The following CNTN4 variants were observed in gnomAD, a reference collection of about 807,000 sequenced individuals.
The protein encoded by CNTN4 is contactin 4, also known as contactin-4.
CNTN4 carries 77 observed loss-of-function variants against 122.5 expected under a neutral mutation model. The observed-to-expected ratio is 0.63, with a 90% CI of 0.52 to 0.76. CNTN4 has a LOEUF of 0.76. Ranked by LOEUF, CNTN4 falls within the 30% of genes least tolerant of loss-of-function variation. The pLI, the probability that CNTN4 is intolerant of heterozygous loss-of-function variation, is 0.00. For missense variants in CNTN4, 1,256 were observed against 1,259.1 expected, an observed-to-expected ratio of 1.00 and a Z score of 0.04; for synonymous variants, 512 against 447.0, an observed-to-expected ratio of 1.15 and a Z score of -1.83.
chr3:2,778,765 A>C (rs868306501), intron 6 of CNTN4, among the ~76,000 whole-genome samples: 2 of 152,204 alleles, frequency 1.3e-5, no homozygotes, highest in Non-Finnish European at 2.9e-5. Flanking sequence ...AACAACACAC[A>C]TAATAATAGC....
intron 2 of CNTN4, among the ~76,000 whole-genome samples, chr3:2,274,126 T>C (rs1575232711): frequency 6.6e-6 from 1 of 152,106 alleles, no homozygotes; most frequent in East Asian, 1.9e-4. Flanking sequence ...CTCACGCTTG[T>C]AATCCCAGCA....
intron 4 of CNTN4, among the ~76,000 whole-genome samples, chr3:2,699,360 G>A (rs115827516): frequency 0.016 from 2,382 of 152,198 alleles, 26 homozygotes; most frequent in Middle Eastern, 0.027. Context: ...TGAATGTTGC[G>A]CTAGATTGTC....
At chr3:2,212,572 C>T (rs2038670252) in intron 2 of CNTN4, among the ~76,000 whole-genome samples, 1 of 152,160 alleles carries the variant, frequency 6.6e-6, no homozygotes, top group South Asian at 2.1e-4. Context: ...AGGAAACCAA[C>T]CCCATGATGC....
rs149872229 is a variant in CNTN4, at chr3:3,051,817, T to C, written c.2812-1990T>C. ...AGGAATTTTATGAATTTCACTTGTGTCTGGTTTTGTCTTGAGACACAAGAG... is the reference window on the plus strand; with the variant it reads ...AGGAATTTTATGAATTTCACTTGTGCCTGGTTTTGTCTTGAGACACAAGAG... On this transcript the variant is annotated intron_variant, in intron 23 of 24. Coordinates refer to ENST00000418658, the MANE Select transcript of CNTN4 (RefSeq NM_175607.3). Among the ~76,000 whole-genome samples the C allele has an allele frequency of 2.2e-3, 332 of 152,348 alleles. 2 individuals carry two copies. The highest frequency in any genetic ancestry group is 7.7e-3 in the African/African-American group (319 of 41,580).
rs543231834 is a variant in CNTN4, at chr3:2,839,952, A to G, written c.454+20371A>G. Among the ~76,000 whole-genome samples the G allele has an allele frequency of 7.0e-4, 107 of 152,278 alleles. 2 individuals are homozygous for G. Among genetic ancestry groups the G allele is most frequent in the African/African-American group, 2.4e-3 (98 of 41,554 alleles). On this transcript the variant is annotated intron_variant, in intron 7 of 24. Coordinates refer to ENST00000418658, the MANE Select transcript of CNTN4 (RefSeq NM_175607.3). Reference sequence around the variant, plus strand: ...GTGTTATTTCAAGAGCAAAGAAGTTAAACTTGTGTAGCTAAGTGTAGAGTC... The same window carrying G: ...GTGTTATTTCAAGAGCAAAGAAGTTGAACTTGTGTAGCTAAGTGTAGAGTC...
chr3:2,509,351 G>A (rs985335776), intron 3 of CNTN4, among the ~76,000 whole-genome samples: 3 of 152,068 alleles, frequency 2.0e-5, no homozygotes, highest in Admixed American at 6.5e-5. Flanking sequence ...TATGCCAAAT[G>A]TAATAATATC....
rs1559415630 is a variant in CNTN4, at chr3:2,287,685, GA to G, written c.-144-51491del. Reference sequence around the variant, plus strand: ...AGAAGAAGAAGAAGAAGAAGAAGAAGAAGAAGAGGAAGAAGAAGAAGAAGAG... The same window carrying G: ...AGAAGAAGAAGAAGAAGAAGAAGAAGAGAAGAGGAAGAAGAAGAAGAAGAG... On this transcript the variant is annotated intron_variant, in intron 2 of 24. Coordinates refer to ENST00000418658, the MANE Select transcript of CNTN4 (RefSeq NM_175607.3). 7.9e-4 allele frequency among the ~76,000 whole-genome samples: 71 copies of G among 90,086 alleles called. 1 individual carries two copies. The highest frequency in any genetic ancestry group is 1.3e-3 in the South Asian group (3 of 2,278). 59.1% of individuals were successfully genotyped at this position (90,086 alleles called of 152,430 possible).
intron 14 of CNTN4, among the ~76,000 whole-genome samples, chr3:2,997,481 C>T (rs756136052): frequency 5.3e-5 from 8 of 152,176 alleles, no homozygotes; most frequent in Non-Finnish European, 1.2e-4. Flanking sequence ...CTCTCCCCTT[C>T]CTGTTTTGGC....
chr3:2,781,748 G>A (rs1390103091), intron 6 of CNTN4, among the ~76,000 whole-genome samples: 6 of 129,822 alleles, frequency 4.6e-5, no homozygotes, highest in African/African-American at 2.0e-4. Flanking sequence ...TTTTTGAGAC[G>A]GAGTGTCGCT....
At chr3:2,360,462 C>G (rs1444181778) in intron 3 of CNTN4, among the ~76,000 whole-genome samples, 3 of 151,966 alleles carry the variant, frequency 2.0e-5, no homozygotes, top group Non-Finnish European at 1.5e-5. Flanking sequence ...ATATGTTTGC[C>G]CAATGAAATA....
intron 4 of CNTN4, among the ~76,000 whole-genome samples, chr3:2,700,827 G>A (rs148654076): frequency 3.3e-5 from 5 of 152,114 alleles, no homozygotes; most frequent in African/African-American, 1.2e-4. Context: ...TTTCTATCAG[G>A]GACTATAATA....
intron 4 of CNTN4, among the ~76,000 whole-genome samples, chr3:2,716,195 A>G (rs576692466): frequency 3.9e-4 from 60 of 152,248 alleles, no homozygotes; most frequent in African/African-American, 1.3e-3. Flanking sequence ...TTTTTAATAT[A>G]CCAATTAAAT....
At chr3:2,969,085 T>C (rs1692618101) in intron 13 of CNTN4, among the ~76,000 whole-genome samples, 1 of 152,232 alleles carries the variant, frequency 6.6e-6, no homozygotes, top group African/African-American at 2.4e-5. Flanking sequence ...TTCTACATTA[T>C]TTTCATAATA....
At chr3:2,877,908 A>T (rs1028383423) in intron 8 of CNTN4, among the ~76,000 whole-genome samples, 1 of 152,240 alleles carries the variant, frequency 6.6e-6, no homozygotes, top group African/African-American at 2.4e-5. Context: ...TAAAATAAAA[A>T]AATTAGTCAA....
intron 6 of CNTN4, among the ~76,000 whole-genome samples, chr3:2,762,870 G>C (rs1431691428): frequency 1.3e-5 from 2 of 149,970 alleles, no homozygotes; most frequent in Non-Finnish European, 3.0e-5. Context: ...TGGCCATTCT[G>C]ACTGGTGTGA....
chr3:2,395,834 T>C (rs986988470), intron 3 of CNTN4, among the ~76,000 whole-genome samples: 1 of 152,128 alleles, frequency 6.6e-6, no homozygotes, highest in Non-Finnish European at 1.5e-5. Context: ...ATTGTTGCGG[T>C]TTACCATATG....
intron 14 of CNTN4, among the ~76,000 whole-genome samples, chr3:2,998,338 C>T (rs1474059107): frequency 6.6e-6 from 1 of 152,116 alleles, no homozygotes; most frequent in Non-Finnish European, 1.5e-5. Flanking sequence ...AGCCGTAGAC[C>T]ACAAGCATCA....
intron 4 of CNTN4, among the ~76,000 whole-genome samples, chr3:2,593,365 G>A (rs946285213): frequency 2.6e-5 from 4 of 152,030 alleles, no homozygotes; most frequent in East Asian, 3.9e-4. Flanking sequence ...GTTAACCTTC[G>A]CAATTATCGG....
At position 2,725,563 on chromosome 3, in the gene CNTN4, A is replaced by AT. The variant is rs554776931; in HGVS notation, c.56-10645dup. Among the ~76,000 whole-genome samples, 869 of 152,226 alleles carry AT rather than the reference A, an allele frequency of 5.7e-3. 6 individuals carry two copies. The highest frequency in any genetic ancestry group is 0.02 in the African/African-American group (825 of 41,538). ...AATGACTTAGATTGTAGTTATATAT[A>AT]TTTTTTTACAACAAGAAACTGTCCT... On this transcript the variant is annotated intron_variant, in intron 4 of 24. Coordinates refer to ENST00000418658, the MANE Select transcript of CNTN4 (RefSeq NM_175607.3).
Sources: gnomAD v4.1 joint callset for allele counts (sites outside exome capture counted in the v4.1 genomes callset) on GRCh38, gnomAD v4.1.1 for gene constraint, MANE v1.5 for transcripts, NCBI Gene and HGNC (gene_info 2026-07-23, HGNC 2026-07-21) for gene names.